The following CABCOCO1 variants were observed in gnomAD, a reference collection of about 807,000 sequenced individuals.
CABCOCO1 encodes ciliary associated calcium binding coiled-coil 1.
In CABCOCO1, 28 loss-of-function variants were observed where a neutral mutation model predicts 35.7. The observed-to-expected ratio is 0.78, with a 90% CI of 0.58 to 1.07. CABCOCO1 has a LOEUF of 1.07. Among genes scored for constraint, CABCOCO1 ranks in the 50% least tolerant of loss-of-function variants. The probability of loss-of-function intolerance (pLI) is 0.00; values close to 1 mark genes in which losing one functional copy is unlikely to be tolerated. For missense variants in CABCOCO1, 326 were observed against 309.2 expected, an observed-to-expected ratio of 1.05 and a Z score of -0.41; for synonymous variants, 95 against 100.1, an observed-to-expected ratio of 0.95 and a Z score of 0.30.
At chr10:61,720,290 A>C (rs1224019977) in intron 5 of CABCOCO1, among the ~76,000 whole-genome samples, 2 of 82,146 alleles carry the variant, frequency 2.4e-5, no homozygotes, top group African/African-American at 6.4e-5. Context: ...AAAAAATAAA[A>C]ATAAAAAAAA....
At chr10:61,752,367 GA>G (rs113709295) in intron 5 of CABCOCO1, among the ~76,000 whole-genome samples, 19 of 145,748 alleles carry the variant, frequency 1.3e-4, no homozygotes, top group East Asian at 9.9e-4. Flanking sequence ...TATAAAAAAG[GA>G]AAAAAAAAAA....
At chr10:61,725,630 G>T (rs1841130549) in intron 5 of CABCOCO1, among the ~76,000 whole-genome samples, 1 of 127,616 alleles carries the variant, frequency 7.8e-6, no homozygotes. Flanking sequence ...GAGGGGGGAG[G>T]GATAGCATTA....
rs749877764 is a variant in CABCOCO1 at position 61,765,925 on chromosome 10, G to T, written c.817-14G>T. 3.1e-6 allele frequency: 5 copies of T among 1,608,650 alleles called. No individual in the cohort carries two copies. In the East Asian group the frequency reaches 8.9e-5, roughly 29 times the overall value. On this transcript the variant is annotated splice_polypyrimidine_tract_variant and intron_variant, in intron 7 of 7. Coordinates refer to ENST00000648843, the MANE Select transcript of CABCOCO1 (RefSeq NM_001366906.2). ...GCTCCATCATAACCACGTTTTTTATGATTGTCTTCACAGACCGAGATAAAC... is the reference window on the plus strand; with the variant it reads ...GCTCCATCATAACCACGTTTTTTATTATTGTCTTCACAGACCGAGATAAAC...
chr10:61,682,994 G>A (rs949093699), intron 3 of CABCOCO1, among the ~76,000 whole-genome samples: 3 of 151,040 alleles, frequency 2.0e-5, no homozygotes, highest in South Asian at 2.1e-4. Context: ...GGATTCAAGC[G>A]ATTCTCCTGC....
At chr10:61,718,411 A>G (rs986850497) in intron 5 of CABCOCO1, among the ~76,000 whole-genome samples, 1 of 152,218 alleles carries the variant, frequency 6.6e-6, no homozygotes, top group African/African-American at 2.4e-5. Flanking sequence ...TGCTCAATCA[A>G]CTAAGTGTAA....
intron 5 of CABCOCO1, among the ~76,000 whole-genome samples, chr10:61,707,988 T>C (rs1278661876): frequency 6.6e-6 from 1 of 151,952 alleles, no homozygotes; most frequent in Non-Finnish European, 1.5e-5. Flanking sequence ...CTAATATCTG[T>C]CTCCCATTGT....
At chr10:61,750,041 T>C (rs1387211630) in intron 5 of CABCOCO1, among the ~76,000 whole-genome samples, 1 of 151,060 alleles carries the variant, frequency 6.6e-6, no homozygotes, top group Non-Finnish European at 1.5e-5. Flanking sequence ...GGCCTCCCCA[T>C]TGAACAACTC....
At chr10:61,738,013 T>C (rs1303157640) in intron 5 of CABCOCO1, among the ~76,000 whole-genome samples, 2 of 150,648 alleles carry the variant, frequency 1.3e-5, no homozygotes, top group Non-Finnish European at 3.0e-5. Context: ...CACTTACCAA[T>C]TAAAGCGTAT....
chr10:61,761,002 A>G lies in CABCOCO1; in HGVS notation c.815A>G (p.Gln272Arg). 6.2e-7 allele frequency: 1 copy of G among 1,611,676 alleles called. No individual in the cohort carries two copies. Residue 272 changes from glutamine to arginine, a missense_variant and splice_region_variant, in exon 7 of 8, where the codon CAG becomes CGG. By Grantham distance (43) the Gln-to-Arg change is conservative. Coordinates refer to ENST00000648843, the MANE Select transcript of CABCOCO1 (RefSeq NM_001366906.2). ...ACAGATGACATTTTAATCGGCATTC[A>G]GGTACTCAGTATTGATAGTATGCTC... ...QVTDDILIGI[Q>R]TEINEKLQIQ... is the part of the protein sequence containing the mutation.
intron 2 of CABCOCO1, among the ~76,000 whole-genome samples, chr10:61,675,336 A>G (rs1273869695): frequency 6.6e-6 from 1 of 152,172 alleles, no homozygotes; most frequent in Admixed American, 6.5e-5. Flanking sequence ...CTCCCTACAT[A>G]ATCTCCTTTG....
At chr10:61,719,184 T>A (rs961392853) in intron 5 of CABCOCO1, among the ~76,000 whole-genome samples, 2 of 152,198 alleles carry the variant, frequency 1.3e-5, no homozygotes, top group Non-Finnish European at 2.9e-5. Context: ...AGTTTGATCA[T>A]TGCTTTCTTG....
intron 3 of CABCOCO1, among the ~76,000 whole-genome samples, chr10:61,682,889 CT>C (rs71018993): frequency 8.4e-4 from 108 of 128,176 alleles, no homozygotes; most frequent in African/African-American, 1.5e-3. Flanking sequence ...ACATGAATTT[CT>C]TTTTTTTTTT....
At chr10:61,725,829 C>T (rs961578453) in intron 5 of CABCOCO1, among the ~76,000 whole-genome samples, 4 of 151,294 alleles carry the variant, frequency 2.6e-5, no homozygotes, top group Admixed American at 2.0e-4. Flanking sequence ...TCTACAATGT[C>T]GAGTGGATGA....
chr10:61,714,086 T>TACCAGC (rs1229864572), intron 5 of CABCOCO1, among the ~76,000 whole-genome samples: 10 of 152,230 alleles, frequency 6.6e-5, no homozygotes, highest in Non-Finnish European at 1.2e-4. Flanking sequence ...GAAGGAATGG[T>TACCAGC]ACCAGCTCCT....
intron 5 of CABCOCO1, among the ~76,000 whole-genome samples, chr10:61,743,338 A>G (rs1230650400): frequency 6.6e-6 from 1 of 152,208 alleles, no homozygotes; most frequent in Non-Finnish European, 1.5e-5. Flanking sequence ...ACTTACTTCT[A>G]GACATGACTT....
intron 2 of CABCOCO1, among the ~76,000 whole-genome samples, chr10:61,675,179 C>T (rs767755709): frequency 6.6e-6 from 1 of 152,166 alleles, no homozygotes; most frequent in Non-Finnish European, 1.5e-5. Flanking sequence ...TTCTCTTTCC[C>T]TACGTTCTTT....
intron 2 of CABCOCO1, among the ~76,000 whole-genome samples, chr10:61,680,734 TA>T (rs561904993): frequency 9.6e-6 from 1 of 104,632 alleles, no homozygotes; most frequent in Non-Finnish European, 1.9e-5. Context: ...ATTATATATA[TA>T]ATATATATAT....
intron 7 of CABCOCO1, among the ~76,000 whole-genome samples, chr10:61,764,287 A>G (rs995645223): frequency 8.5e-5 from 13 of 152,100 alleles, no homozygotes; most frequent in Admixed American, 5.9e-4. Flanking sequence ...AATTATTTCA[A>G]ACCATTTTAA....
intron 2 of CABCOCO1, among the ~76,000 whole-genome samples, chr10:61,677,704 C>T (rs1839560712): frequency 6.6e-6 from 1 of 152,002 alleles, no homozygotes; most frequent in African/African-American, 2.4e-5. Flanking sequence ...ACTCCCCCAA[C>T]CCCACAACAG....
Sources: gnomAD v4.1 joint callset for allele counts (sites outside exome capture counted in the v4.1 genomes callset) on GRCh38, gnomAD v4.1.1 for gene constraint, MANE v1.5 for transcripts, NCBI Gene and HGNC (gene_info 2026-07-23, HGNC 2026-07-21) for gene names.